The following COL5A2 variants were observed in gnomAD, a reference collection of about 807,000 sequenced individuals.
COL5A2 encodes the protein collagen alpha-2(V) chain.
COL5A2 carries 23 observed loss-of-function variants against 208.2 expected under a neutral mutation model. The ratio of observed to expected loss-of-function variants is 0.11; its 90% confidence interval spans 0.08 to 0.16. The LOEUF is 0.16. COL5A2 is among the 10% of genes least tolerant of loss of function. COL5A2 has a pLI of 1.00. For synonymous variants in COL5A2, 625 were observed against 628.5 expected (o/e 0.99, Z 0.08); for missense variants, 1,590 against 1,956.4 (o/e 0.81, Z 3.53).
chr2:189,161,236 T>C (rs913124170), intron 1 of COL5A2, among the ~76,000 whole-genome samples: 3 of 151,788 alleles, frequency 2.0e-5, no homozygotes, highest in African/African-American at 7.3e-5. Flanking sequence ...CAACCCATGC[T>C]CTCAAGGGTG....
At chr2:189,404,199 A>G in the COL5A2 span, among the ~76,000 whole-genome samples, 276 of 152,332 alleles carry the variant, frequency 1.8e-3, 1 homozygote, top group African/African-American at 6.4e-3. Flanking sequence ...ATTTCTGAGT[A>G]TGTCTGTGAG....
chr2:189,441,068 G>T, the COL5A2 span, among the ~76,000 whole-genome samples: 1 of 152,092 alleles, frequency 6.6e-6, no homozygotes, highest in Non-Finnish European at 1.5e-5. Context: ...AACCAGGGAC[G>T]CGAGAGGCTC....
chr2:189,174,402 T>C (rs902076117), intron 1 of COL5A2, among the ~76,000 whole-genome samples: 2 of 152,230 alleles, frequency 1.3e-5, no homozygotes, highest in South Asian at 2.1e-4. Flanking sequence ...CCAGAAGTGA[T>C]GGTGACTTTG....
At chr2:189,241,886 C>T in the COL5A2 span, among the ~76,000 whole-genome samples, 2 of 152,140 alleles carry the variant, frequency 1.3e-5, no homozygotes, top group African/African-American at 4.8e-5. Flanking sequence ...CAGGTATTCT[C>T]CCCTACCCAA....
At chr2:189,231,345 A>C in the COL5A2 span, among the ~76,000 whole-genome samples, 2 of 151,820 alleles carry the variant, frequency 1.3e-5, no homozygotes, top group African/African-American at 4.8e-5. Flanking sequence ...AAATAAATAC[A>C]TGAAGAAAAG....
At chr2:189,153,501 T>A (rs889633888) in intron 1 of COL5A2, among the ~76,000 whole-genome samples, 8 of 152,144 alleles carry the variant, frequency 5.3e-5, no homozygotes, top group Non-Finnish European at 1.0e-4. Context: ...CTAACAAGCA[T>A]ATTAGCCAGG....
chr2:189,258,525 G>A, the COL5A2 span, among the ~76,000 whole-genome samples: 1 of 152,140 alleles, frequency 6.6e-6, no homozygotes, highest in Non-Finnish European at 1.5e-5. Context: ...AGTAAAAAGT[G>A]AAAGTGTTCT....
the COL5A2 span, among the ~76,000 whole-genome samples, chr2:189,440,096 T>G: frequency 6.6e-6 from 1 of 152,250 alleles, no homozygotes; most frequent in Non-Finnish European, 1.5e-5. Flanking sequence ...TTTCTAGTTC[T>G]GGCTCCCCAA....
Position 189,033,959 on chromosome 2 carries a change from G to T in COL5A2, c.*111C>A. 1 of 1,401,738 alleles carries T rather than the reference G, an allele frequency of 7.1e-7. No homozygotes were observed. The highest frequency in any genetic ancestry group is 1.0e-6 in the Non-Finnish European group (1 of 995,208). The allele number at this position is 1,401,738 out of a possible 1,614,324, so 86.8% of individuals were successfully genotyped here. On this transcript the variant is annotated 3_prime_UTR_variant, in exon 54 of 54. Coordinates refer to ENST00000374866, the MANE Select transcript of COL5A2 (RefSeq NM_000393.5). ...AGACCATATATACAATGCTGATGCAGGATCAGCCATTACTTCAAGAGTCTC... is the reference window on the plus strand; with the variant it reads ...AGACCATATATACAATGCTGATGCATGATCAGCCATTACTTCAAGAGTCTC...
chr2:189,385,055 A>C, the COL5A2 span, among the ~76,000 whole-genome samples: 2 of 152,128 alleles, frequency 1.3e-5, no homozygotes, highest in Non-Finnish European at 2.9e-5. Context: ...AAGGCTTTTC[A>C]GTGTCTATTC....
chr2:189,365,558 T>C, the COL5A2 span, among the ~76,000 whole-genome samples: 1 of 152,226 alleles, frequency 6.6e-6, no homozygotes, highest in Admixed American at 6.5e-5. Context: ...CTTAATTTGC[T>C]CATCTGTAAA....
the COL5A2 span, among the ~76,000 whole-genome samples, chr2:189,333,277 T>C: frequency 6.6e-6 from 1 of 152,120 alleles, no homozygotes; most frequent in Non-Finnish European, 1.5e-5. Context: ...AAGACCATCC[T>C]TTTTAAAAGA....
intron 21 of COL5A2, among the ~76,000 whole-genome samples, 167 bp downstream of exon 21, chr2:189,067,848 C>T (rs1686186271): frequency 6.6e-6 from 1 of 152,162 alleles, no homozygotes; most frequent in Non-Finnish European, 1.5e-5. Context: ...ATTTAAACAT[C>T]TAAGTTGTAC....
At position 189,078,538 on chromosome 2, in the gene COL5A2, C is replaced by G; in HGVS notation, c.1037G>C (p.Arg346Thr). 6.2e-7 allele frequency: 1 copy of G among 1,612,604 alleles called. No homozygotes were observed. The highest frequency in any genetic ancestry group is 8.5e-7 in the Non-Finnish European group (1 of 1,178,700). The change falls in exon 16 of 54, where the codon AGA becomes ACA. Residue 346 changes from arginine to threonine, a missense_variant. Physicochemically the swap from Arg to Thr is moderately conservative, Grantham distance 71. Coordinates refer to ENST00000374866, the MANE Select transcript of COL5A2 (RefSeq NM_000393.5). The part of the protein sequence containing the change: ...GPRGMPGERG[R>T]LGPQGAPGQR... ...TACAGGAGCACCCTGTGGCCCAAGT[C>G]TCCCTCTCTCTCCTGGCATTCCCCT...
At chr2:189,106,260 A>T (rs1474289875) in intron 2 of COL5A2, among the ~76,000 whole-genome samples, 1 of 151,474 alleles carries the variant, frequency 6.6e-6, no homozygotes, top group Non-Finnish European at 1.5e-5. Flanking sequence ...ATAATAGGAC[A>T]TTCAGTCTTT....
chr2:189,278,965 T>A, the COL5A2 span, among the ~76,000 whole-genome samples: 1 of 152,004 alleles, frequency 6.6e-6, no homozygotes, highest in Admixed American at 6.6e-5. Flanking sequence ...TTTCTTTAGA[T>A]CTCTGAAAAT....
At position 189,033,225 on chromosome 2, in the gene COL5A2, T is replaced by G. The variant is rs1370628387; in HGVS notation, c.*845A>C. ...GGACATATGTTTGTAAAGTTCTATA[T>G]GTCAATTATTTTGCATTCAATATCT... On this transcript the variant is annotated 3_prime_UTR_variant, in exon 54 of 54. Coordinates refer to ENST00000374866, the MANE Select transcript of COL5A2 (RefSeq NM_000393.5). The G allele has an allele frequency of 6.6e-6, 1 of 152,606 alleles. No individual in the cohort carries two copies. The highest frequency in any genetic ancestry group is 1.5e-5 in the Non-Finnish European group (1 of 68,020). 9.5% of individuals were successfully genotyped at this position (152,606 alleles called of 1,614,324 possible).
intron 30 of COL5A2, 74 bp downstream of exon 30, chr2:189,061,488 C>A: frequency 9.2e-7 from 1 of 1,090,870 alleles, no homozygotes; most frequent in South Asian, 1.3e-5. Context: ...ATCTTCTGAC[C>A]ATATCTTTTT....
chr2:189,422,618 C>T, the COL5A2 span, among the ~76,000 whole-genome samples: 1 of 152,182 alleles, frequency 6.6e-6, no homozygotes, highest in African/African-American at 2.4e-5. Flanking sequence ...CAGTATAAAT[C>T]ATGTGTTAGG....
Sources: gnomAD v4.1 joint callset for allele counts (sites outside exome capture counted in the v4.1 genomes callset) on GRCh38, gnomAD v4.1.1 for gene constraint, MANE v1.5 for transcripts, NCBI Gene and HGNC (gene_info 2026-07-23, HGNC 2026-07-21) for gene names.